Variants in FMO4 observed in about 807,000 individuals in gnomAD.
FMO4 encodes flavin containing dimethylaniline monoxygenase 4, also known as dimethylaniline monooxygenase [N-oxide-forming] 4.
In FMO4, 38 loss-of-function variants were observed where a neutral mutation model predicts 43.3. That is an observed-to-expected ratio of 0.88 (90% CI 0.68 to 1.15). FMO4 has a LOEUF of 1.15. Ranked by LOEUF, FMO4 falls within the 50% of genes most tolerant of loss-of-function variation. The probability of loss-of-function intolerance (pLI) is 0.00; values close to 1 mark genes in which losing one functional copy is unlikely to be tolerated. For missense variants in FMO4, 631 were observed against 663.3 expected (o/e 0.95, Z 0.54); for synonymous variants, 224 against 232.2 (o/e 0.96, Z 0.32).
intron 2 of FMO4, among the ~76,000 whole-genome samples, chr1:171,316,810 C>T (rs1364936513): frequency 1.3e-5 from 2 of 152,192 alleles, no homozygotes; most frequent in Non-Finnish European, 2.9e-5. Context: ...CCTAGGAAAT[C>T]CTTCTGATCC....
chr1:171,317,180 A>T (rs140511106), intron 2 of FMO4, among the ~76,000 whole-genome samples: 1 of 152,136 alleles, frequency 6.6e-6, no homozygotes, highest in African/African-American at 2.4e-5. Flanking sequence ...TCAAATGATT[A>T]TGCTGATTTC....
chr1:171,333,832 AT>A (rs888298126), intron 7 of FMO4, among the ~76,000 whole-genome samples: 18 of 151,860 alleles, frequency 1.2e-4, no homozygotes, highest in Non-Finnish European at 2.4e-4. Flanking sequence ...ATCAGTATAA[AT>A]TTTTTTTAAT....
intron 5 of FMO4, among the ~76,000 whole-genome samples, chr1:171,329,408 G>GT (rs1355269443): frequency 6.6e-6 from 1 of 152,152 alleles, no homozygotes; most frequent in Non-Finnish European, 1.5e-5. Context: ...CAGACTATCT[G>GT]TTAGGGCCTC....
chr1:171,334,054 C>G (rs1214187967), intron 7 of FMO4, among the ~76,000 whole-genome samples: 1 of 152,094 alleles, frequency 6.6e-6, no homozygotes, highest in Non-Finnish European at 1.5e-5. Context: ...TGATGTCATT[C>G]CCTAGAGGCC....
At chr1:171,334,910 T>C (rs1663059323) in intron 8 of FMO4, 147 bp downstream of exon 8, 1 of 554,402 alleles carries the variant, frequency 1.8e-6, no homozygotes, top group Non-Finnish European at 3.2e-6. Flanking sequence ...AATATGAGGG[T>C]GTGCTGTGTC....
At chr1:171,329,916 TA>T (rs1368091514) in intron 5 of FMO4, among the ~76,000 whole-genome samples, 3 of 152,222 alleles carry the variant, frequency 2.0e-5, no homozygotes, top group Non-Finnish European at 4.4e-5. Flanking sequence ...AGAATCCTGT[TA>T]AAACATTTTG....
At position 171,321,830 on chromosome 1, in the gene FMO4, A is replaced by G. The variant is rs1286894765; in HGVS notation, c.133-1174A>G. Reference sequence around the variant, plus strand: ...GGGAAACAGAAACAGTAAATAGGGAATTATAACACAGTGTCATCAAGTTCG... The same window carrying G: ...GGGAAACAGAAACAGTAAATAGGGAGTTATAACACAGTGTCATCAAGTTCG... On this transcript the variant is annotated intron_variant, in intron 3 of 9. Coordinates refer to ENST00000367749, the MANE Select transcript of FMO4 (RefSeq NM_002022.3). 2.0e-5 allele frequency among the ~76,000 whole-genome samples: 3 copies of G among 152,350 alleles called. No individual in the cohort carries two copies. The East Asian group carries it at 5.8e-4, about 29-fold the overall frequency.
At chr1:171,315,094 C>A (rs1456728600) in intron 1 of FMO4, among the ~76,000 whole-genome samples, 1 of 152,164 alleles carries the variant, frequency 6.6e-6, no homozygotes, top group South Asian at 2.1e-4. Context: ...GAGTTTGAGA[C>A]CAGCCTGACC....
chr1:171,322,421 T>A (rs1301141806), intron 3 of FMO4, among the ~76,000 whole-genome samples: 1 of 152,206 alleles, frequency 6.6e-6, no homozygotes, highest in Non-Finnish European at 1.5e-5. Context: ...ACAATGTTAG[T>A]CTTGGAGAGC....
chr1:171,339,488 C>T (rs560542968), intron 9 of FMO4, among the ~76,000 whole-genome samples: 4 of 152,230 alleles, frequency 2.6e-5, no homozygotes, highest in South Asian at 4.2e-4. Flanking sequence ...CTCACAGCCC[C>T]GGATGAGAAC....
intron 8 of FMO4, among the ~76,000 whole-genome samples, chr1:171,336,954 C>T (rs1181132432): frequency 7.7e-6 from 1 of 129,448 alleles, no homozygotes; most frequent in Admixed American, 7.4e-5. Context: ...AGCTTTAACA[C>T]AAACATGCAC....
intron 2 of FMO4, among the ~76,000 whole-genome samples, chr1:171,318,879 G>A (rs935570090): frequency 1.3e-5 from 2 of 152,200 alleles, no homozygotes; most frequent in Non-Finnish European, 1.5e-5. Context: ...GGTGTGGCTT[G>A]TTTGCATGTT....
At chr1:171,341,354 C>A in intron 9 of FMO4, 59 bp from the exon 10 acceptor site, 1 of 1,338,992 alleles carries the variant, frequency 7.5e-7, no homozygotes, top group Non-Finnish European at 1.0e-6. Context: ...GGTCTGATAA[C>A]TTGAGAAATG....
rs146382153 is a variant in FMO4 at position 171,322,372 on chromosome 1, G to A, written c.133-632G>A. On this transcript the variant is annotated intron_variant, in intron 3 of 9. Coordinates refer to ENST00000367749, the MANE Select transcript of FMO4 (RefSeq NM_002022.3). Reference sequence around the variant, plus strand: ...AATGAAAGAAGGAAAAGATAAACAAGACAGATAATAAGCCCTGCATTCATG... The same window carrying A: ...AATGAAAGAAGGAAAAGATAAACAAAACAGATAATAAGCCCTGCATTCATG... 3.4e-3 allele frequency among the ~76,000 whole-genome samples: 522 copies of A among 152,274 alleles called. 3 individuals carry two copies. Among genetic ancestry groups the A allele is most frequent in the Non-Finnish European group, 2.8e-3 (192 of 68,014 alleles).
intron 2 of FMO4, among the ~76,000 whole-genome samples, chr1:171,319,297 A>G (rs750774274): frequency 2.6e-5 from 4 of 152,120 alleles, no homozygotes; most frequent in Non-Finnish European, 4.4e-5. Flanking sequence ...ACTCCTCTTG[A>G]TATTCAAACA....
In FMO4 at chr1:171,337,884, T is replaced by G. The variant is rs45458400; in HGVS notation, c.1250+459T>G. ...TGTGGCTTTAAATATCATCATATACTCAGGGCTCCCAAACTGTGTCTCTGA... is the reference window on the plus strand; with the variant it reads ...TGTGGCTTTAAATATCATCATATACGCAGGGCTCCCAAACTGTGTCTCTGA... On this transcript the variant is annotated intron_variant, in intron 9 of 9. Coordinates refer to ENST00000367749, the MANE Select transcript of FMO4 (RefSeq NM_002022.3). Among the ~76,000 whole-genome samples, 721 of 152,246 alleles carry G rather than the reference T, an allele frequency of 4.7e-3. 6 individuals carry two copies. Among genetic ancestry groups the G allele is most frequent in the East Asian group, 0.029 (150 of 5,176 alleles).
At chr1:171,321,737 C>T (rs546878235) in intron 3 of FMO4, among the ~76,000 whole-genome samples, 2 of 152,112 alleles carry the variant, frequency 1.3e-5, no homozygotes, top group South Asian at 4.2e-4. Context: ...AAGTACTTAT[C>T]ATGTCCTTCT....
At chr1:171,340,663 G>A (rs898117158) in intron 9 of FMO4, among the ~76,000 whole-genome samples, 1 of 151,948 alleles carries the variant, frequency 6.6e-6, no homozygotes, top group Non-Finnish European at 1.5e-5. Flanking sequence ...TGATCTTAAA[G>A]ATCATGTAGA....
intron 9 of FMO4, among the ~76,000 whole-genome samples, chr1:171,338,327 C>T (rs1663205843): frequency 6.6e-6 from 1 of 152,116 alleles, no homozygotes; most frequent in South Asian, 2.1e-4. Context: ...CCACTCTGTT[C>T]TACAATCTAG....
Sources: gnomAD v4.1 joint callset for allele counts (sites outside exome capture counted in the v4.1 genomes callset) on GRCh38, gnomAD v4.1.1 for gene constraint, MANE v1.5 for transcripts, NCBI Gene and HGNC (gene_info 2026-07-23, HGNC 2026-07-21) for gene names.